Variants in FANCB observed in about 807,000 individuals in gnomAD.
The protein encoded by FANCB is Fanconi anemia group B protein.
Under a neutral mutation model 38.9 loss-of-function variants are expected in FANCB, and 5 were observed. That is an observed-to-expected ratio of 0.13 (90% CI 0.07 to 0.27). FANCB has a LOEUF of 0.27. Ranked by LOEUF, FANCB falls within the 10% of genes least tolerant of loss-of-function variation. The probability of loss-of-function intolerance (pLI) is 1.00; values close to 1 mark genes in which losing one functional copy is unlikely to be tolerated. For missense variants in FANCB, 573 were observed against 602.7 expected, an observed-to-expected ratio of 0.95 and a Z score of 0.52; for synonymous variants, 236 against 215.4, an observed-to-expected ratio of 1.10 and a Z score of -0.84.
At chrX:14,806,248 TG>T in the FANCB span, among the ~76,000 whole-genome samples, 1 of 111,945 alleles carries the variant, frequency 8.9e-6, no homozygotes, top group South Asian at 3.7e-4. Flanking sequence ...TGAGATGCTG[TG>T]GCCTGAGAAG....
the FANCB span, among the ~76,000 whole-genome samples, chrX:14,755,348 C>T: frequency 9.0e-6 from 1 of 111,599 alleles, no homozygotes; most frequent in Non-Finnish European, 1.9e-5. Context: ...AGGCCATCAG[C>T]TTGTCTCTGT....
At chrX:14,855,755 G>A (rs1485476756) in intron 5 of FANCB, among the ~76,000 whole-genome samples, 2 of 111,891 alleles carry the variant, frequency 1.8e-5, no homozygotes, top group Non-Finnish European at 3.8e-5. Flanking sequence ...ATTTATGAGG[G>A]CTAGGATGAA....
chrX:14,812,831 C>T, the FANCB span, among the ~76,000 whole-genome samples: 1 of 111,083 alleles, frequency 9.0e-6, no homozygotes, highest in African/African-American at 3.3e-5. Flanking sequence ...CAGCATCATC[C>T]TGATACCAAA....
chrX:14,691,258 T>C, the FANCB span, among the ~76,000 whole-genome samples: 1 of 106,061 alleles, frequency 9.4e-6, no homozygotes, highest in South Asian at 4.3e-4. Flanking sequence ...ATCCTGGTTC[T>C]TCTAAATATT....
chrX:14,769,148 A>T, the FANCB span, among the ~76,000 whole-genome samples: 4 of 110,838 alleles, frequency 3.6e-5, no homozygotes, highest in African/African-American at 1.3e-4. Context: ...CTCTTCCAGG[A>T]TTTGGTATCA....
intron 4 of FANCB, among the ~76,000 whole-genome samples, chrX:14,858,845 C>T (rs1216506532): frequency 9.0e-6 from 1 of 111,514 alleles, no homozygotes; most frequent in Non-Finnish European, 1.9e-5. Flanking sequence ...AGCAATTTTG[C>T]TTCATTTTAT....
chrX:14,823,551 G>A, the FANCB span, among the ~76,000 whole-genome samples: 10 of 111,521 alleles, frequency 9.0e-5, no homozygotes, highest in African/African-American at 1.6e-4. Flanking sequence ...AACTTACAGC[G>A]ACCATCTTAC....
At chrX:14,838,557 T>G (rs1018691996), downstream of FANCB, among the ~76,000 whole-genome samples, 1 of 112,008 alleles carries the variant, frequency 8.9e-6, no homozygotes, top group Non-Finnish European at 1.9e-5. Flanking sequence ...TTTCAAGTAT[T>G]AAAGCATATT....
intron 1 of FANCB, among the ~76,000 whole-genome samples, chrX:14,871,670 C>A (rs73441309): frequency 3.7e-3 from 406 of 109,849 alleles, no homozygotes; most frequent in African/African-American, 0.012. Flanking sequence ...GGTTAAATTT[C>A]AAAAATAAAA....
the FANCB span, among the ~76,000 whole-genome samples, chrX:14,692,304 C>G: frequency 8.9e-6 from 1 of 112,421 alleles, no homozygotes; most frequent in East Asian, 2.8e-4. Flanking sequence ...CCTGTTGGTG[C>G]TAACGTTTCT....
the FANCB span, among the ~76,000 whole-genome samples, chrX:14,745,128 G>A: frequency 1.8e-5 from 2 of 111,444 alleles, no homozygotes; most frequent in African/African-American, 3.3e-5. Context: ...GCTCCATTAA[G>A]GAAATGAATT....
At position 14,865,202 on chromosome X, in the gene FANCB, A is replaced by G; in HGVS notation, c.309T>C (p.Asn103=). ...GGATTAGTAAAAAATATTCAAAAAC[A>G]TTATTCTTTTTATTTTTTTCTATCA... ...YIVIEKNKKN[N]VFEYFLLILH... Residue 103 remains asparagine, a synonymous_variant, in exon 3 of 10, where the codon AAT becomes AAC. Coordinates refer to ENST00000650831, the MANE Select transcript of FANCB (RefSeq NM_001018113.3). 1 of 1,161,745 alleles carries G rather than the reference A, an allele frequency of 8.6e-7. No homozygotes were observed.
downstream of FANCB, among the ~76,000 whole-genome samples, chrX:14,840,162 AT>A (rs926326223): frequency 3.7e-5 from 4 of 109,038 alleles, no homozygotes; most frequent in East Asian, 2.9e-4. Flanking sequence ...CGGCCAAGGA[AT>A]TTTTTTTTTA....
the FANCB span, chrX:14,730,891 TACACACACACACACAC>T: frequency 0.032 from 3,083 of 97,691 alleles, 112 homozygotes; most frequent in Admixed American, 0.082. Context: ...AAGTTAGCTA[TACACACACACACACAC>T]ACACACACAC....
chrX:14,747,508 T>C, the FANCB span, among the ~76,000 whole-genome samples: 1 of 112,675 alleles, frequency 8.9e-6, no homozygotes, highest in Admixed American at 9.4e-5. Flanking sequence ...ATTTATGCCT[T>C]TAAAAATCAA....
chrX:14,766,730 GGTTT>G, the FANCB span, among the ~76,000 whole-genome samples: 1 of 109,911 alleles, frequency 9.1e-6, no homozygotes, highest in Admixed American at 9.7e-5. Context: ...AGGATGTGCA[GGTTT>G]GTTATATAGG....
chrX:14,865,903 G>C (rs1033722605), intron 2 of FANCB, among the ~76,000 whole-genome samples: 3 of 111,936 alleles, frequency 2.7e-5, no homozygotes, highest in Non-Finnish European at 5.7e-5. Context: ...TTGCTTAAGG[G>C]TTATACTTCT....
the FANCB span, among the ~76,000 whole-genome samples, chrX:14,735,754 T>C: frequency 1.8e-5 from 2 of 112,493 alleles, no homozygotes; most frequent in Non-Finnish European, 3.8e-5. Flanking sequence ...TTAGCAGAGC[T>C]AGAGCGCTGT....
At chrX:14,695,113 T>A in the FANCB span, among the ~76,000 whole-genome samples, 2 of 110,983 alleles carry the variant, frequency 1.8e-5, no homozygotes, top group African/African-American at 3.3e-5. Flanking sequence ...AGATACTGTT[T>A]TAAATCCACA....
Sources: allele counts gnomAD v4.1 joint callset (sites outside exome capture counted in the v4.1 genomes callset), GRCh38; gene constraint gnomAD v4.1.1; transcripts MANE v1.5; gene names NCBI Gene and HGNC (gene_info 2026-07-23, HGNC 2026-07-21).